CIB4: variants seen among roughly 807,000 people sequenced by gnomAD.
CIB4 encodes calcium and integrin-binding family member 4.
Under a neutral mutation model 25.8 loss-of-function variants are expected in CIB4, and 25 were observed. The observed-to-expected ratio is 0.97, with a 90% CI of 0.71 to 1.35. The LOEUF is 1.35. Ranked by LOEUF, CIB4 falls within the 40% of genes most tolerant of loss-of-function variation. The pLI is 0.00. For missense variants in CIB4, 235 were observed against 228.2 expected (o/e 1.03, Z -0.19); for synonymous variants, 75 against 81.4 (o/e 0.92, Z 0.42).
At position 26,582,866 on chromosome 2, in the gene CIB4, T is replaced by G; in HGVS notation, c.486A>C (p.Ser162=). The G allele has an allele frequency of 6.2e-7, 1 of 1,613,796 alleles. No homozygotes were observed. The highest frequency in any genetic ancestry group is 8.5e-7 in the Non-Finnish European group (1 of 1,179,756). ...ACTTGGCCATTGCATGTTCAAACTC[T>G]GAGAAGGACAGCATGTTGTCATTGT... ...DLDNDNMLSF[S]EFEHAMAKSP... The change falls in exon 6 of 7, where the codon TCA becomes TCC. Residue 162 remains serine (S), a synonymous_variant. Coordinates refer to ENST00000288861, the MANE Select transcript of CIB4 (RefSeq NM_001029881.3).
At chr2:26,637,129 G>T (rs527854679) in intron 2 of CIB4, among the ~76,000 whole-genome samples, 1 of 152,300 alleles carries the variant, frequency 6.6e-6, no homozygotes, top group East Asian at 1.9e-4. Flanking sequence ...CCTGTCTTCC[G>T]CTGGGGCAGG....
At chr2:26,607,485 T>C (rs79398833) in intron 3 of CIB4, among the ~76,000 whole-genome samples, 2,464 of 152,280 alleles carry the variant, frequency 0.016, 75 homozygotes, top group African/African-American at 0.056. Context: ...AACTCTACAA[T>C]ATCTTATAAC....
chr2:26,591,566 T>C (rs2148193998), intron 4 of CIB4, among the ~76,000 whole-genome samples: 1 of 152,298 alleles, frequency 6.6e-6, no homozygotes, highest in South Asian at 2.1e-4. Context: ...GCAGACGAAC[T>C]CTAGTGACCT....
At chr2:26,607,072 G>A (rs1572554707) in intron 3 of CIB4, among the ~76,000 whole-genome samples, 1 of 152,190 alleles carries the variant, frequency 6.6e-6, no homozygotes, top group Admixed American at 6.6e-5. Flanking sequence ...TTCCCAAAGA[G>A]CCATCTGCCC....
intron 2 of CIB4, among the ~76,000 whole-genome samples, chr2:26,636,011 A>C (rs921980613): frequency 2.0e-5 from 3 of 152,188 alleles, no homozygotes; most frequent in African/African-American, 4.8e-5. Flanking sequence ...AGCAGTTTGC[A>C]AGCATTTTGC....
intron 3 of CIB4, among the ~76,000 whole-genome samples, chr2:26,597,300 G>A (rs10173189): frequency 0.037 from 5,649 of 152,178 alleles, 333 homozygotes; most frequent in African/African-American, 0.13. Flanking sequence ...AGGGAAGACA[G>A]ACAATTACTA....
rs778414253 is a variant in CIB4 at position 26,583,923 on chromosome 2, A to G, written c.329-25T>C. 12 of 1,458,212 alleles carry G rather than the reference A, an allele frequency of 8.2e-6. No homozygotes were observed. In the Admixed American group the frequency reaches 1.2e-4, roughly 14 times the overall value. The allele number at this position is 1,458,212 out of a possible 1,614,324, so 90.3% of individuals were successfully genotyped here. The stretch of plus-strand genomic sequence containing the variant: ...TCTGCAAAGAAGAGGCCAGGCCTGC[A>G]TTAGACGGAGCTGGGGGCTAAACAG... On this transcript the variant is annotated intron_variant, in intron 4 of 6. Coordinates refer to ENST00000288861, the MANE Select transcript of CIB4 (RefSeq NM_001029881.3).
At chr2:26,619,973 C>A (rs908264486) in intron 3 of CIB4, among the ~76,000 whole-genome samples, 2 of 148,972 alleles carry the variant, frequency 1.3e-5, no homozygotes, top group African/African-American at 5.0e-5. Flanking sequence ...AAGCCCACAG[C>A]GGGGAAGGCA....
At chr2:26,637,228 C>G (rs1196438693) in intron 2 of CIB4, among the ~76,000 whole-genome samples, 1 of 152,150 alleles carries the variant, frequency 6.6e-6, no homozygotes, top group African/African-American at 2.4e-5. Flanking sequence ...TTCACCTGAT[C>G]CTGCATCCTG....
chr2:26,612,691 G>A (rs947058007), intron 3 of CIB4, among the ~76,000 whole-genome samples: 3 of 152,130 alleles, frequency 2.0e-5, no homozygotes, highest in Admixed American at 6.5e-5. Flanking sequence ...AGGAGCAGCT[G>A]GCCAAGCGAG....
chr2:26,583,671 G>T, intron 5 of CIB4, 118 bp downstream of exon 5: 1 of 712,574 alleles, frequency 1.4e-6, no homozygotes. Context: ...TGTGTCATCT[G>T]CCTCAGGCTG....
chr2:26,636,474 C>T (rs1280444841), intron 2 of CIB4, among the ~76,000 whole-genome samples: 2 of 152,098 alleles, frequency 1.3e-5, no homozygotes, highest in Non-Finnish European at 2.9e-5. Flanking sequence ...CTCTTGGAAC[C>T]CCTGACTCCC....
At position 26,601,249 on chromosome 2, in the gene CIB4, T is replaced by A. The variant is rs868767762; in HGVS notation, c.187-5932A>T. Among the ~76,000 whole-genome samples the A allele has an allele frequency of 9.4e-3, 1,273 of 134,908 alleles. 77 individuals carry two copies. The highest frequency in any genetic ancestry group is 0.03 in the African/African-American group (1,022 of 33,736). The allele number at this position is 134,908 out of a possible 152,430, so 88.5% of individuals were successfully genotyped here. On this transcript the variant is annotated intron_variant, in intron 3 of 6. Transcript: ENST00000288861. ...AAAAAAAAATATATATATATATATA[T>A]ATATATATATATATATATATGCATG... is the stretch of plus-strand genomic sequence containing the variant.
rs779594512 is a variant in CIB4, at chr2:26,629,471, C to T, written c.125G>A (p.Gly42Glu). The T allele has an allele frequency of 6.3e-7, 1 of 1,580,478 alleles. No individual in the cohort carries two copies. Among genetic ancestry groups the T allele is most frequent in the Non-Finnish European group, 8.6e-7 (1 of 1,162,928 alleles). ...GAGCGTTGCCTCCTTGTAGTACTTC[C>T]CAGGAGGGCAGAGCTTCAGGAAGGT... ...HDTFLKLCPPGKYYKEATLTM... is the reference protein window; with the variant it reads ...HDTFLKLCPPEKYYKEATLTM... Residue 42 changes from glycine to glutamate, a missense_variant, in exon 3 of 7, where the codon GGG becomes GAG. Coordinates refer to ENST00000288861, the MANE Select transcript of CIB4 (RefSeq NM_001029881.3).
chr2:26,626,041 T>C (rs112003086), intron 3 of CIB4, among the ~76,000 whole-genome samples: 53 of 152,352 alleles, frequency 3.5e-4, no homozygotes, highest in African/African-American at 1.2e-3. Flanking sequence ...ATCAGATGGT[T>C]GTAGGTGTGT....
At chr2:26,638,980 A>G (rs1473031828) in intron 2 of CIB4, among the ~76,000 whole-genome samples, 4 of 152,044 alleles carry the variant, frequency 2.6e-5, no homozygotes, top group Non-Finnish European at 5.9e-5. Flanking sequence ...TTAAAAAAAA[A>G]AAAGGTACAG....
chr2:26,620,462 G>A (rs1669184501), intron 3 of CIB4, among the ~76,000 whole-genome samples: 1 of 152,212 alleles, frequency 6.6e-6, no homozygotes, highest in Admixed American at 6.5e-5. Context: ...TCTGGGGAGA[G>A]TATAGCAGAG....
At chr2:26,602,826 G>A (rs549691170) in intron 3 of CIB4, among the ~76,000 whole-genome samples, 16 of 152,278 alleles carry the variant, frequency 1.1e-4, no homozygotes, top group African/African-American at 3.4e-4. Context: ...TTGGGTGGCT[G>A]AGGCGGGAGG....
rs866344910 is a variant in CIB4, at chr2:26,589,048, T to C, written c.329-5150A>G. Among the ~76,000 whole-genome samples the C allele has an allele frequency of 5.0e-3, 244 of 48,908 alleles. 9 individuals carry two copies. The highest frequency in any genetic ancestry group is 0.011 in the South Asian group (11 of 1,032). 32.1% of individuals were successfully genotyped at this position (48,908 alleles called of 152,430 possible). A position where few individuals can be genotyped will look rare whatever the true frequency, so the allele number is the denominator to read the frequency against. On this transcript the variant is annotated intron_variant, in intron 4 of 6. Coordinates refer to ENST00000288861, the MANE Select transcript of CIB4 (RefSeq NM_001029881.3). ...CTTCTTCTTCTTCTTCTTCTTCTTC[T>C]TCTTCTTCTTCCTCTTCCTCTTCCT...
Sources: gnomAD v4.1 joint callset for allele counts (sites outside exome capture counted in the v4.1 genomes callset) on GRCh38, gnomAD v4.1.1 for gene constraint, MANE v1.5 for transcripts, NCBI Gene and HGNC (gene_info 2026-07-23, HGNC 2026-07-21) for gene names.